Variants in EIF4G3 observed in about 807,000 individuals in gnomAD.
EIF4G3 encodes the protein eIF-4-gamma 3.
Under a neutral mutation model 186.4 loss-of-function variants are expected in EIF4G3, and 34 were observed. The ratio of observed to expected loss-of-function variants is 0.18; its 90% CI spans 0.14 to 0.24. The LOEUF is 0.24. EIF4G3 is among the 10% of genes least tolerant of loss of function. EIF4G3 has a pLI of 1.00. For synonymous variants in EIF4G3, 673 were observed against 679.5 expected (o/e 0.99, Z 0.15); for missense variants, 1,536 against 1,948.5 (o/e 0.79, Z 3.99).
At chr1:21,022,068 A>G (rs1276727138) in intron 4 of EIF4G3, among the ~76,000 whole-genome samples, 1 of 152,198 alleles carries the variant, frequency 6.6e-6, no homozygotes, top group Non-Finnish European at 1.5e-5. Context: ...AAATACCTCA[A>G]CGATGGCACT....
At chr1:20,815,760 C>T (rs1279096127) in intron 34 of EIF4G3, among the ~76,000 whole-genome samples, 5 of 135,814 alleles carry the variant, frequency 3.7e-5, no homozygotes, top group Non-Finnish European at 1.6e-5. Flanking sequence ...CGGCCAGTTG[C>T]CCCGTCCAGG....
intron 12 of EIF4G3, among the ~76,000 whole-genome samples, chr1:20,966,565 G>A (rs555783217): frequency 6.0e-5 from 9 of 151,230 alleles, no homozygotes; most frequent in East Asian, 3.9e-4. Flanking sequence ...TCTGCCTCCC[G>A]GGTTCAAGCG....
At chr1:20,905,043 C>A in intron 14 of EIF4G3, 72 bp from the exon 15 acceptor site, 1 of 1,108,440 alleles carries the variant, frequency 9.0e-7, no homozygotes, top group Non-Finnish European at 1.3e-6. Context: ...CTAAGTGATA[C>A]CTATATTCAA....
intron 19 of EIF4G3, among the ~76,000 whole-genome samples, chr1:20,884,325 G>C (rs2083399671): frequency 6.6e-6 from 1 of 152,098 alleles, no homozygotes. Flanking sequence ...ATAACAACTG[G>C]ACTATTTAGT....
intron 2 of EIF4G3, among the ~76,000 whole-genome samples, chr1:21,093,455 G>A (rs916092136): frequency 6.6e-6 from 1 of 151,914 alleles, no homozygotes; most frequent in African/African-American, 2.4e-5. Context: ...GAAATAACAG[G>A]TGCTGGAGAG....
rs371351466 is a variant in EIF4G3 at position 20,941,867 on chromosome 1, C to T, written c.1287G>A (p.Val429=). ...SEKLSATESI[V]EIVKQEVLPL... is the part of the protein sequence containing the mutation. ...GCAATACTTCCTGTTTTACTATTTCCACAATGCTCTCCGTGGCTGATAATT... is the reference window on the plus strand; with the variant it reads ...GCAATACTTCCTGTTTTACTATTTCTACAATGCTCTCCGTGGCTGATAATT... Residue 429 remains valine, a synonymous_variant, in exon 14 of 37, where the codon GTG becomes GTA. Transcript: ENST00000602326. 2.6e-5 allele frequency: 42 copies of T among 1,614,024 alleles called. No homozygotes were observed. The highest frequency in any genetic ancestry group is 3.4e-5 in the Non-Finnish European group (40 of 1,180,028).
chr1:21,040,744 A>C (rs896898456), intron 4 of EIF4G3, among the ~76,000 whole-genome samples: 1 of 152,190 alleles, frequency 6.6e-6, no homozygotes, highest in African/African-American at 2.4e-5. Context: ...AGGACTCCGT[A>C]CTTTTAAATC....
At chr1:20,925,048 CATT>C (rs2094782726) in intron 14 of EIF4G3, among the ~76,000 whole-genome samples, 1 of 152,172 alleles carries the variant, frequency 6.6e-6, no homozygotes, top group South Asian at 2.1e-4. Context: ...CAGAGAAAAT[CATT>C]ATTAAGTATT....
At chr1:20,953,343 T>C (rs566054364) in intron 12 of EIF4G3, among the ~76,000 whole-genome samples, 29 of 152,340 alleles carry the variant, frequency 1.9e-4, no homozygotes, top group African/African-American at 5.8e-4. Flanking sequence ...TTCTCACTTA[T>C]AAACTAGAGT....
rs1491167517 is a variant in EIF4G3, at chr1:21,176,267, T to TGCCGCCGCCGCCGCC, written c.-365_-364insGGCGGCGGCGGCGGC. On this transcript the variant is annotated 5_prime_UTR_variant, in exon 2 of 37. Coordinates refer to ENST00000602326, the MANE Select transcript of EIF4G3 (RefSeq NM_001391906.1). ...CCGCCGCCGCCGCCGCCGCCGCCGC[T>TGCCGCCGCCGCCGCC]GCTGCCGCCGCCGGGTGAGGAGGCG... The TGCCGCCGCCGCCGCC allele has an allele frequency of 3.4e-6, 1 of 296,348 alleles. No homozygotes were observed. Among genetic ancestry groups the TGCCGCCGCCGCCGCC allele is most frequent in the Non-Finnish European group, 5.7e-6 (1 of 176,006 alleles). The allele number at this position is 296,348 out of a possible 1,614,324, so 18.4% of individuals were successfully genotyped here.
At chr1:20,851,201 A>G (rs554184709) in intron 28 of EIF4G3, 57 bp downstream of exon 28, 1 of 1,527,652 alleles carries the variant, frequency 6.5e-7, no homozygotes, top group Non-Finnish European at 9.0e-7. Context: ...TCTCTTTTTT[A>G]TTTTTCCTTC....
intron 2 of EIF4G3, among the ~76,000 whole-genome samples, chr1:21,128,935 C>T (rs2097100241): frequency 6.6e-6 from 1 of 152,126 alleles, no homozygotes; most frequent in Admixed American, 6.5e-5. Flanking sequence ...TTTTCTTTAG[C>T]CCATTAGGGA....
chr1:20,984,544 TTATA>T (rs756259591), intron 7 of EIF4G3, among the ~76,000 whole-genome samples: 3 of 144,948 alleles, frequency 2.1e-5, no homozygotes, highest in African/African-American at 7.8e-5. Flanking sequence ...AACCTAAGCA[TTATA>T]TATATATATA....
At chr1:20,868,495 C>T (rs2078207733) in intron 20 of EIF4G3, among the ~76,000 whole-genome samples, 1 of 152,036 alleles carries the variant, frequency 6.6e-6, no homozygotes, top group African/African-American at 2.4e-5. Flanking sequence ...CTCAACTAAA[C>T]CTAGTTACTG....
chr1:21,166,546 T>C (rs946402815), intron 2 of EIF4G3, among the ~76,000 whole-genome samples: 3 of 152,012 alleles, frequency 2.0e-5, no homozygotes, highest in African/African-American at 7.2e-5. Flanking sequence ...CCTATTATGG[T>C]GAAACCCCAT....
chr1:20,986,133 C>A (rs2079410044), intron 7 of EIF4G3, among the ~76,000 whole-genome samples: 1 of 152,170 alleles, frequency 6.6e-6, no homozygotes, highest in African/African-American at 2.4e-5. Context: ...TGAGCTTGAT[C>A]TTTTCTTTCA....
chr1:21,036,536 A>G (rs1408781795), intron 4 of EIF4G3, among the ~76,000 whole-genome samples: 2 of 152,204 alleles, frequency 1.3e-5, no homozygotes, highest in African/African-American at 4.8e-5. Flanking sequence ...TCAGTTACAC[A>G]GAGATGGTAT....
rs71014156 is a variant in EIF4G3, at chr1:21,117,736, T to TAAAAAAAAAAAAAAAAAAAAAAAAAAA, written c.-271-28524_-271-28523insTTTTTTTTTTTTTTTTTTTTTTTTTTT. 2.7e-4 allele frequency among the ~76,000 whole-genome samples: 20 copies of TAAAAAAAAAAAAAAAAAAAAAAAAAAA among 73,082 alleles called. 2 individuals are homozygous for TAAAAAAAAAAAAAAAAAAAAAAAAAAA. The highest frequency in any genetic ancestry group is 5.7e-4 in the East Asian group (1 of 1,756). The allele number at this position is 73,082 out of a possible 152,430, so 47.9% of individuals were successfully genotyped here. A position where few individuals can be genotyped will look rare whatever the true frequency, so the allele number is the denominator to read the frequency against. On this transcript the variant is annotated intron_variant, in intron 2 of 36. Coordinates refer to ENST00000602326, the MANE Select transcript of EIF4G3 (RefSeq NM_001391906.1). ...GGCCTTTCACTGTCCCAGTATATAG[T>TAAAAAAAAAAAAAAAAAAAAAAAAAAA]AAAAAAAAAAAAAAAAAAAAAAAAA...
At chr1:21,145,145 C>T (rs148892561) in intron 2 of EIF4G3, among the ~76,000 whole-genome samples, 5 of 152,118 alleles carry the variant, frequency 3.3e-5, no homozygotes, top group African/African-American at 9.6e-5. Flanking sequence ...CCAACCATAT[C>T]TGTATCAGTG....
Sources: gnomAD v4.1 joint callset for allele counts (sites outside exome capture counted in the v4.1 genomes callset) on GRCh38, gnomAD v4.1.1 for gene constraint, MANE v1.5 for transcripts, NCBI Gene and HGNC (gene_info 2026-07-23, HGNC 2026-07-21) for gene names.